ASCC3: variants seen among roughly 807,000 people sequenced by gnomAD.
ASCC3 encodes the protein activating signal cointegrator 1 complex subunit 3.
In ASCC3, 158 loss-of-function variants were observed where a neutral mutation model predicts 256.3. That is an observed-to-expected ratio of 0.62 (90% CI 0.54 to 0.70). The LOEUF is 0.70. Among genes scored for constraint, ASCC3 ranks in the 30% least tolerant of loss-of-function variants. The pLI is 0.00. For missense variants in ASCC3, 2,259 were observed against 2,626.0 expected (o/e 0.86, Z 3.05); for synonymous variants, 948 against 883.4 (o/e 1.07, Z -1.30).
At chr6:100,780,294 G>C (rs369092211) in intron 8 of ASCC3, among the ~76,000 whole-genome samples, 2 of 152,126 alleles carry the variant, frequency 1.3e-5, no homozygotes, top group Admixed American at 1.3e-4. Flanking sequence ...GCTCTGGAGA[G>C]TGCCCAGCTA....
chr6:100,673,665 T>C (rs148228427), intron 14 of ASCC3, among the ~76,000 whole-genome samples: 189 of 152,294 alleles, frequency 1.2e-3, no homozygotes, highest in Non-Finnish European at 2.1e-3. Context: ...TACACTGAAA[T>C]GAACACATGG....
chr6:100,656,470 T>C (rs1216226391), intron 16 of ASCC3, among the ~76,000 whole-genome samples: 1 of 151,684 alleles, frequency 6.6e-6, no homozygotes, highest in Non-Finnish European at 1.5e-5. Flanking sequence ...GAGTGGTTTT[T>C]ATTTATCAGT....
At chr6:100,787,540 G>A (rs1769148016) in intron 8 of ASCC3, among the ~76,000 whole-genome samples, 1 of 151,886 alleles carries the variant, frequency 6.6e-6, no homozygotes, top group Admixed American at 6.6e-5. Flanking sequence ...CGATTCATAT[G>A]GAAAATCGAA....
intron 3 of ASCC3, among the ~76,000 whole-genome samples, chr6:100,852,389 T>C (rs1009235775): frequency 6.6e-6 from 1 of 152,164 alleles, no homozygotes. Context: ...ACTTCTAAAG[T>C]AGAAAGGTGT....
At chr6:100,715,293 T>C (rs1301849003) in intron 13 of ASCC3, 169 bp downstream of exon 13, 1 of 596,398 alleles carries the variant, frequency 1.7e-6, no homozygotes, top group African/African-American at 1.9e-5. Flanking sequence ...AATATTTTTA[T>C]GACTTACCCA....
chr6:100,876,656 A>C (rs1774016899), intron 1 of ASCC3, among the ~76,000 whole-genome samples: 2 of 152,172 alleles, frequency 1.3e-5, no homozygotes, highest in African/African-American at 4.8e-5. Context: ...CTACATATCA[A>C]TTTTTACCTT....
intron 10 of ASCC3, among the ~76,000 whole-genome samples, chr6:100,729,236 G>C (rs555076628): frequency 6.6e-6 from 1 of 152,204 alleles, no homozygotes; most frequent in South Asian, 2.1e-4. Flanking sequence ...GAGAAATTAA[G>C]AGGAAGAGAA....
intron 30 of ASCC3, among the ~76,000 whole-genome samples, chr6:100,613,651 A>G (rs188597815): frequency 4.4e-4 from 67 of 152,268 alleles, no homozygotes; most frequent in African/African-American, 1.5e-3. Context: ...GAGTGCAGGT[A>G]TCTTTTTGAT....
chr6:100,804,893 A>C (rs137929937), intron 5 of ASCC3, among the ~76,000 whole-genome samples: 73 of 152,276 alleles, frequency 4.8e-4, no homozygotes, highest in African/African-American at 1.4e-3. Flanking sequence ...CAGCAATCCT[A>C]TCACTAGGTA....
chr6:100,793,576 C>T (rs1265241476), intron 8 of ASCC3, among the ~76,000 whole-genome samples: 3 of 151,818 alleles, frequency 2.0e-5, no homozygotes, highest in Non-Finnish European at 4.4e-5. Context: ...TTACAGACAT[C>T]ATAGCAAAGA....
At chr6:100,606,136 C>T (rs952977786) in intron 32 of ASCC3, among the ~76,000 whole-genome samples, 2 of 151,960 alleles carry the variant, frequency 1.3e-5, no homozygotes, top group South Asian at 2.1e-4. Flanking sequence ...CCTCCCTGCA[C>T]CCCGGTATAA....
At chr6:100,879,687 A>G (rs765587061) in intron 1 of ASCC3, among the ~76,000 whole-genome samples, 1 of 152,170 alleles carries the variant, frequency 6.6e-6, no homozygotes, top group African/African-American at 2.4e-5. Flanking sequence ...TTTTTGAGGT[A>G]GAAACTGAGG....
Position 100,868,052 on chromosome 6 carries a change from AG to A in ASCC3, c.-41-15del. The A allele has an allele frequency of 3.0e-6, 4 of 1,348,550 alleles. No individual in the cohort carries two copies. The highest frequency in any genetic ancestry group is 4.2e-6 in the Non-Finnish European group (4 of 942,838). 83.5% of individuals were successfully genotyped at this position (1,348,550 alleles called of 1,614,324 possible). A position where few individuals can be genotyped will look rare whatever the true frequency, so the allele number is the denominator to read the frequency against. On this transcript the variant is annotated splice_polypyrimidine_tract_variant and intron_variant, in intron 1 of 41. Coordinates refer to ENST00000369162, the MANE Select transcript of ASCC3 (RefSeq NM_006828.4). ...AGAAACCTGAAACTGAAACAAAACA[AG>A]ATGATATTTATCTGTTCGGAAGAGG... is the stretch of plus-strand genomic sequence containing the variant.
intron 23 of ASCC3, 59 bp downstream of exon 23, chr6:100,643,972 T>A (rs1415315153): frequency 4.4e-6 from 5 of 1,125,238 alleles, no homozygotes; most frequent in Non-Finnish European, 6.6e-6. Context: ...AAGCAGAAAC[T>A]GTTAGTATAA....
At chr6:100,872,631 G>C (rs1773801782) in intron 1 of ASCC3, among the ~76,000 whole-genome samples, 1 of 152,090 alleles carries the variant, frequency 6.6e-6, no homozygotes, top group South Asian at 2.1e-4. Context: ...GAAGCAGATT[G>C]CTCCTGCAGG....
chr6:100,558,779 T>C (rs1299587344), intron 36 of ASCC3, among the ~76,000 whole-genome samples: 1 of 152,174 alleles, frequency 6.6e-6, no homozygotes, highest in African/African-American at 2.4e-5. Flanking sequence ...CAGTTATTTA[T>C]CCAGCCCCTC....
intron 5 of ASCC3, among the ~76,000 whole-genome samples, chr6:100,803,930 C>T (rs966734598): frequency 6.6e-6 from 1 of 151,962 alleles, no homozygotes; most frequent in African/African-American, 2.4e-5. Flanking sequence ...AAATCCAAAA[C>T]TATTTGTAAG....
intron 4 of ASCC3, among the ~76,000 whole-genome samples, chr6:100,821,406 CAT>C (rs71547416): frequency 0.39 from 59,165 of 151,836 alleles, 12,799 homozygotes; most frequent in Middle Eastern, 0.56. Flanking sequence ...CAATCAAAAA[CAT>C]GTGCACAAGT....
intron 13 of ASCC3, among the ~76,000 whole-genome samples, chr6:100,710,279 G>A (rs189986170): frequency 1.3e-5 from 2 of 152,158 alleles, no homozygotes; most frequent in African/African-American, 4.8e-5. Flanking sequence ...ATGGAGAGGT[G>A]ATATTTATCT....
Sources: allele counts gnomAD v4.1 joint callset (sites outside exome capture counted in the v4.1 genomes callset), GRCh38; gene constraint gnomAD v4.1.1; transcripts MANE v1.5; gene names NCBI Gene and HGNC (gene_info 2026-07-23, HGNC 2026-07-21).